Variants in RGS6 observed in about 807,000 individuals in gnomAD.
The protein encoded by RGS6 is regulator of G protein signaling 6, also known as regulator of G-protein signaling 6.
Under a neutral mutation model 78.5 loss-of-function variants are expected in RGS6, and 30 were observed. The ratio of observed to expected loss-of-function variants is 0.38; its 90% CI spans 0.29 to 0.52. The LOEUF (loss-of-function observed/expected upper bound fraction) is 0.52. Ranked by LOEUF, RGS6 falls within the 20% of genes least tolerant of loss-of-function variation. The pLI is 0.85. For synonymous variants in RGS6, 206 were observed against 206.0 expected (o/e 1.00, Z 0.00); for missense variants, 495 against 609.7 (o/e 0.81, Z 1.98).
intron 2 of RGS6, among the ~76,000 whole-genome samples, chr14:72,311,533 A>G (rs2068617432): frequency 6.6e-6 from 1 of 151,730 alleles, no homozygotes; most frequent in Admixed American, 6.6e-5. Flanking sequence ...TAGCTTTTCC[A>G]TTTTACTCAG....
At chr14:72,592,488 T>A in the RGS6 span, among the ~76,000 whole-genome samples, 1 of 152,212 alleles carries the variant, frequency 6.6e-6, no homozygotes, top group Non-Finnish European at 1.5e-5. Flanking sequence ...ACAATAGACA[T>A]GACATTCCAA....
At chr14:71,883,551 T>C in the RGS6 span, among the ~76,000 whole-genome samples, 1 of 152,180 alleles carries the variant, frequency 6.6e-6, no homozygotes, top group Admixed American at 6.5e-5. Flanking sequence ...AGGGGCTGTG[T>C]ACTATAAGGC....
At chr14:72,383,174 G>GTACATATATATATA (rs1555364385) in intron 3 of RGS6, among the ~76,000 whole-genome samples, 3 of 24,530 alleles carry the variant, frequency 1.2e-4, no homozygotes, top group African/African-American at 3.4e-4. Flanking sequence ...TGAAAAAATT[G>GTACATATATATATA]TACATATATA....
intron 2 of RGS6, among the ~76,000 whole-genome samples, chr14:72,094,734 C>T (rs17768678): frequency 0.026 from 3,924 of 152,178 alleles, 62 homozygotes; most frequent in Middle Eastern, 0.037. Flanking sequence ...TGTTTACTTT[C>T]GTTATACCTT....
intron 2 of RGS6, among the ~76,000 whole-genome samples, chr14:72,196,147 G>A (rs982064422): frequency 1.3e-5 from 2 of 152,080 alleles, no homozygotes; most frequent in African/African-American, 2.4e-5. Context: ...CGAGAGACAC[G>A]GAGAAGGTGG....
intron 1 of RGS6, among the ~76,000 whole-genome samples, chr14:71,960,619 A>G (rs377365314): frequency 1.2e-4 from 19 of 152,366 alleles, no homozygotes; most frequent in African/African-American, 3.8e-4. Flanking sequence ...GAAGTCCCTG[A>G]TAGACAAGTA....
At chr14:72,585,864 C>G in the RGS6 span, among the ~76,000 whole-genome samples, 2 of 152,312 alleles carry the variant, frequency 1.3e-5, no homozygotes, top group East Asian at 3.9e-4. Flanking sequence ...AATATTGCCA[C>G]TGGTTCAGGT....
chr14:72,144,264 T>C (rs1400658340), intron 2 of RGS6, among the ~76,000 whole-genome samples: 2 of 152,238 alleles, frequency 1.3e-5, no homozygotes, highest in Non-Finnish European at 2.9e-5. Context: ...CTTAATGTTG[T>C]TTTCACATAG....
At chr14:72,456,584 T>TG (rs2095636492) in intron 4 of RGS6, among the ~76,000 whole-genome samples, 1 of 152,216 alleles carries the variant, frequency 6.6e-6, no homozygotes, top group South Asian at 2.1e-4. Context: ...TGTGAGACAC[T>TG]GCACCTGGCC....
At chr14:72,013,692 C>T (rs1376657628) in intron 2 of RGS6, among the ~76,000 whole-genome samples, 2 of 152,146 alleles carry the variant, frequency 1.3e-5, no homozygotes, top group African/African-American at 4.8e-5. Context: ...TATTCATGAG[C>T]AAATATATCT....
At chr14:72,061,301 G>C (rs918665845) in intron 2 of RGS6, among the ~76,000 whole-genome samples, 2 of 152,132 alleles carry the variant, frequency 1.3e-5, no homozygotes, top group African/African-American at 4.8e-5. Flanking sequence ...CTTTGGTTGG[G>C]ATTTTGTTGA....
At chr14:71,949,448 G>A (rs1317903116) in intron 1 of RGS6, among the ~76,000 whole-genome samples, 1 of 150,710 alleles carries the variant, frequency 6.6e-6, no homozygotes, top group Admixed American at 6.6e-5. Flanking sequence ...ATTTTTTTTT[G>A]CCACTTTTAT....
chr14:71,895,469 G>A, the RGS6 span, among the ~76,000 whole-genome samples: 44 of 152,300 alleles, frequency 2.9e-4, 1 homozygote, highest in Non-Finnish European at 5.1e-4. Flanking sequence ...TTACAGGCAT[G>A]AGCCACCACA....
the RGS6 span, among the ~76,000 whole-genome samples, chr14:72,627,273 C>A: frequency 1.3e-5 from 2 of 151,994 alleles, no homozygotes; most frequent in African/African-American, 4.8e-5. Flanking sequence ...CTAGTACTAG[C>A]GTGGTTTTAC....
intron 1 of RGS6, among the ~76,000 whole-genome samples, chr14:71,935,002 G>A (rs978942142): frequency 2.0e-5 from 3 of 152,154 alleles, no homozygotes; most frequent in Non-Finnish European, 1.5e-5. Context: ...TTTGCAGTTA[G>A]CTTGTCTTAA....
intron 2 of RGS6, among the ~76,000 whole-genome samples, chr14:72,112,904 G>T (rs1172327484): frequency 6.6e-6 from 1 of 152,132 alleles, no homozygotes; most frequent in Non-Finnish European, 1.5e-5. Context: ...ACACACAGGG[G>T]GACAGGCAGA....
chr14:72,083,074 T>C (rs141422531), intron 2 of RGS6, among the ~76,000 whole-genome samples: 2 of 152,192 alleles, frequency 1.3e-5, no homozygotes, highest in African/African-American at 4.8e-5. Flanking sequence ...CCATTTGCCT[T>C]TTGTGTTTCT....
Position 72,263,970 on chromosome 14 carries a change from G to A in RGS6, c.85-88125G>A, listed in dbSNP as rs112324381. On this transcript the variant is annotated intron_variant, in intron 2 of 17. Transcript: ENST00000553525. Reference sequence around the variant, plus strand: ...TTTCTAATTTCAGAAAGGCCATATCGTATACACACTGTTTACTGACACCCT... The same window carrying A: ...TTTCTAATTTCAGAAAGGCCATATCATATACACACTGTTTACTGACACCCT... 6.6e-3 allele frequency among the ~76,000 whole-genome samples: 1,012 copies of A among 152,244 alleles called. 3 individuals are homozygous for A. The highest frequency in any genetic ancestry group is 0.011 in the Non-Finnish European group (719 of 68,028).
chr14:72,224,022 A>G (rs1162512258), intron 2 of RGS6, among the ~76,000 whole-genome samples: 1 of 152,244 alleles, frequency 6.6e-6, no homozygotes, highest in Non-Finnish European at 1.5e-5. Context: ...TTTGTAGTAA[A>G]GTATTGAGAA....
Sources: allele counts gnomAD v4.1 joint callset (sites outside exome capture counted in the v4.1 genomes callset), GRCh38; gene constraint gnomAD v4.1.1; transcripts MANE v1.5; gene names NCBI Gene and HGNC (gene_info 2026-07-23, HGNC 2026-07-21).